Variants in CECR2 observed in about 807,000 individuals in gnomAD.
CECR2 encodes CECR2 histone acetyl-lysine reader, also known as chromatin remodeling regulator CECR2.
CECR2 carries 30 observed loss-of-function variants against 154.5 expected under a neutral mutation model. The observed-to-expected ratio is 0.19, with a 90% CI of 0.15 to 0.26. The LOEUF is 0.26. Ranked by LOEUF, CECR2 falls within the 10% of genes least tolerant of loss-of-function variation. CECR2 has a pLI of 1.00. For missense variants in CECR2, 1,743 were observed against 1,829.3 expected, an observed-to-expected ratio of 0.95 and a Z score of 0.86; for synonymous variants, 725 against 683.7, an observed-to-expected ratio of 1.06 and a Z score of -0.94.
intron 1 of CECR2, among the ~76,000 whole-genome samples, chr22:17,364,144 C>A (rs1279815726): frequency 6.6e-6 from 1 of 151,518 alleles, no homozygotes; most frequent in Non-Finnish European, 1.5e-5. Flanking sequence ...AAGATCTAGA[C>A]CATCCTGGCT....
At chr22:17,439,524 A>G (rs1336819310) in intron 1 of CECR2, among the ~76,000 whole-genome samples, 1 of 151,960 alleles carries the variant, frequency 6.6e-6, no homozygotes, top group Non-Finnish European at 1.5e-5. Context: ...AAGTCACAAA[A>G]GAATAAATCT....
At chr22:17,528,721 A>AGATGGGGTTTTGCC (rs1458694507) in intron 9 of CECR2, among the ~76,000 whole-genome samples, 1 of 152,068 alleles carries the variant, frequency 6.6e-6, no homozygotes. Flanking sequence ...TTTTTAGTAG[A>AGATGGGGTTTTGCC]GATGGGGTTT....
chr22:17,513,648 T>TA (rs1358537359), intron 8 of CECR2, among the ~76,000 whole-genome samples: 1 of 152,212 alleles, frequency 6.6e-6, no homozygotes, highest in Non-Finnish European at 1.5e-5. Flanking sequence ...CTCTTCCTCC[T>TA]AGCAGTCACT....
chr22:17,540,778 A>G lies in CECR2; in HGVS notation c.1862A>G (p.Gln621Arg), dbSNP rs772245062. ...CTGCATTGTGGTGGGACACCCAGCC[A>G]GGCACCCTTTTTAAACCAGATGGTA... ...HPLHCGGTPS[Q>R]APFLNQMRPA... The change falls in exon 14 of 19, where the codon CAG (glutamine) becomes CGG (arginine). Residue 621 changes from glutamine (Q) to arginine (R), a missense_variant. Physicochemically the swap from Gln to Arg is conservative, Grantham distance 43. Transcript: ENST00000262608. 1 of 1,582,748 alleles carries G rather than the reference A, an allele frequency of 6.3e-7. No homozygotes were observed. Among genetic ancestry groups the G allele is most frequent in the Admixed American group, 1.8e-5 (1 of 55,022 alleles).
chr22:17,404,945 T>A (rs542703154), intron 1 of CECR2, among the ~76,000 whole-genome samples: 11 of 152,326 alleles, frequency 7.2e-5, no homozygotes, highest in African/African-American at 2.4e-4. Context: ...ATGGGCCTCT[T>A]AACACTATTG....
intron 1 of CECR2, among the ~76,000 whole-genome samples, chr22:17,385,012 T>C (rs1601259283): frequency 6.6e-6 from 1 of 152,204 alleles, no homozygotes; most frequent in South Asian, 2.1e-4. Flanking sequence ...CGAACCAACC[T>C]CTGCTAGCCT....
At chr22:17,383,418 C>CT (rs2063222674) in intron 1 of CECR2, among the ~76,000 whole-genome samples, 1 of 152,136 alleles carries the variant, frequency 6.6e-6, no homozygotes, top group Non-Finnish European at 1.5e-5. Flanking sequence ...CCTGCCACTG[C>CT]TTTATCAGCT....
intron 1 of CECR2, among the ~76,000 whole-genome samples, chr22:17,405,540 T>TGA (rs1445303213): frequency 1.3e-5 from 2 of 148,564 alleles, no homozygotes; most frequent in East Asian, 3.9e-4. Context: ...CTCCAGAGGC[T>TGA]GAGGCAGGAG....
rs183892062 is a variant in CECR2 at position 17,540,263 on chromosome 22, A to G, written c.1496-149A>G. 8.2e-4 allele frequency: 553 copies of G among 670,946 alleles called. 4 individuals carry two copies. The highest frequency in any genetic ancestry group is 5.9e-3 in the Middle Eastern group (14 of 2,360). 41.6% of individuals were successfully genotyped at this position (670,946 alleles called of 1,614,324 possible). A position where few individuals can be genotyped will look rare whatever the true frequency, so the allele number is the denominator to read the frequency against. ...ATAATGTGCCCTAAAGGTGAATTAAACTCATAGATTACCCAGGTTGCATCT... is the reference window on the plus strand; with the variant it reads ...ATAATGTGCCCTAAAGGTGAATTAAGCTCATAGATTACCCAGGTTGCATCT... On this transcript the variant is annotated intron_variant, in intron 13 of 18. Transcript: ENST00000262608.
chr22:17,494,332 G>A (rs750887695), intron 2 of CECR2, among the ~76,000 whole-genome samples: 1 of 152,172 alleles, frequency 6.6e-6, no homozygotes, highest in Non-Finnish European at 1.5e-5. Context: ...GATTACAGGC[G>A]TGAGCCACCA....
Position 17,542,684 on chromosome 22 carries a change from C to A in CECR2, c.2541C>A (p.Ala847=). Residue 847 remains alanine (A), a synonymous_variant, in exon 16 of 19, where the codon GCC becomes GCA. Coordinates refer to ENST00000262608, the MANE Select transcript of CECR2 (RefSeq NM_001290047.2). The part of the protein sequence containing the change: ...SGYMRPPCKS[A]GHRLQPPPVP... ...ACATGCGACCGCCCTGCAAGTCTGC[C>A]GGACATCGGTTACAGCCACCTCCAG... The A allele has an allele frequency of 6.2e-7, 1 of 1,613,994 alleles. No homozygotes were observed. Among genetic ancestry groups the A allele is most frequent in the Non-Finnish European group, 8.5e-7 (1 of 1,179,910 alleles).
At chr22:17,536,271 A>G (rs762138466) in intron 9 of CECR2, among the ~76,000 whole-genome samples, 2 of 152,164 alleles carry the variant, frequency 1.3e-5, no homozygotes, top group African/African-American at 2.4e-5. Context: ...AAAAAAGAAA[A>G]GAAAATAGAG....
chr22:17,481,199 CG>C (rs1229002301), intron 2 of CECR2, among the ~76,000 whole-genome samples: 2 of 150,510 alleles, frequency 1.3e-5, no homozygotes, highest in Non-Finnish European at 3.0e-5. Flanking sequence ...AAAAATTAGC[CG>C]GGCGTGGTGG....
chr22:17,551,206 T>G (rs2268779), intron 17 of CECR2, among the ~76,000 whole-genome samples: 1 of 152,286 alleles, frequency 6.6e-6, no homozygotes, highest in African/African-American at 2.4e-5. Flanking sequence ...TGGACATGCC[T>G]TGGAGCACCA....
chr22:17,414,980 A>G (rs2054135116), intron 1 of CECR2, among the ~76,000 whole-genome samples: 1 of 152,190 alleles, frequency 6.6e-6, no homozygotes, highest in South Asian at 2.1e-4. Flanking sequence ...TCAATTTTAG[A>G]CAGTGTAAAA....
chr22:17,431,797 A>C (rs1418137707), intron 1 of CECR2, among the ~76,000 whole-genome samples: 3 of 142,780 alleles, frequency 2.1e-5, no homozygotes, highest in African/African-American at 8.1e-5. Flanking sequence ...GGCGCGGCTT[A>C]TTGAGATATT....
At chr22:17,368,587 C>T (rs546194605), upstream of CECR2, among the ~76,000 whole-genome samples, 1 of 152,352 alleles carries the variant, frequency 6.6e-6, no homozygotes, top group African/African-American at 2.4e-5. Flanking sequence ...GGCCGTAGCA[C>T]ATTCAATCCC....
intron 1 of CECR2, among the ~76,000 whole-genome samples, chr22:17,399,473 C>T (rs937395267): frequency 6.7e-6 from 1 of 148,956 alleles, no homozygotes; most frequent in African/African-American, 2.5e-5. Flanking sequence ...GCTGGAGTGC[C>T]GTGGCGTGAT....
chr22:17,373,493 C>T (rs1440259077), intron 1 of CECR2, among the ~76,000 whole-genome samples: 1 of 152,122 alleles, frequency 6.6e-6, no homozygotes, highest in African/African-American at 2.4e-5. Flanking sequence ...TAACTGTTAA[C>T]ATTGTATCCT....
Sources: gnomAD v4.1 joint callset for allele counts (sites outside exome capture counted in the v4.1 genomes callset) on GRCh38, gnomAD v4.1.1 for gene constraint, MANE v1.5 for transcripts, NCBI Gene and HGNC (gene_info 2026-07-23, HGNC 2026-07-21) for gene names.